Variants in MAST2 observed in about 807,000 individuals in gnomAD.
MAST2 encodes microtubule associated serine/threonine kinase 2, also known as microtubule-associated serine/threonine-protein kinase 2.
A neutral mutation model predicts 147.4 loss-of-function variants in MAST2; 70 were observed. The ratio of observed to expected loss-of-function variants is 0.47; its 90% CI spans 0.39 to 0.58. The LOEUF is 0.58. Among genes scored for constraint, MAST2 ranks in the 20% least tolerant of loss-of-function variants. The pLI, the probability that MAST2 is intolerant of heterozygous loss-of-function variation, is 0.00. For missense variants in MAST2, 2,080 were observed against 2,302.3 expected (o/e 0.90, Z 1.98); for synonymous variants, 869 against 896.8 (o/e 0.97, Z 0.55).
At chr1:45,932,301 T>C (rs1655442895) in intron 4 of MAST2, among the ~76,000 whole-genome samples, 1 of 152,238 alleles carries the variant, frequency 6.6e-6, no homozygotes, top group Non-Finnish European at 1.5e-5. Context: ...TAATTCTTTC[T>C]ATACCCATCA....
chr1:46,008,504 C>T (rs940147834), intron 9 of MAST2, 133 bp downstream of exon 9: 3 of 648,366 alleles, frequency 4.6e-6, no homozygotes, highest in Non-Finnish European at 8.3e-6. Context: ...AACAGAAAGT[C>T]AGCCAGGAGG....
At chr1:45,989,720 G>T (rs116793827) in intron 5 of MAST2, among the ~76,000 whole-genome samples, 79 of 145,506 alleles carry the variant, frequency 5.4e-4, no homozygotes, top group African/African-American at 2.0e-3. Flanking sequence ...CTAAAATAGT[G>T]CACAGTACTT....
At chr1:45,933,554 AC>A (rs1306289177) in intron 4 of MAST2, among the ~76,000 whole-genome samples, 4 of 150,938 alleles carry the variant, frequency 2.7e-5, no homozygotes, top group Non-Finnish European at 4.4e-5. Flanking sequence ...AGCCTGGCTG[AC>A]ATGGTGAAAA....
chr1:45,917,369 A>G, intron 4 of MAST2: 1 of 1,366,516 alleles, frequency 7.3e-7, no homozygotes, highest in Non-Finnish European at 9.8e-7. Flanking sequence ...GAGCTGAAGT[A>G]AACCAGCACA....
At chr1:45,998,334 T>A (rs1645138983) in intron 6 of MAST2, among the ~76,000 whole-genome samples, 1 of 152,224 alleles carries the variant, frequency 6.6e-6, no homozygotes, top group African/African-American at 2.4e-5. Context: ...TTAGAAAGAT[T>A]TGGTGCATAC....
chr1:45,860,343 C>T (rs1645937079), intron 3 of MAST2, among the ~76,000 whole-genome samples: 1 of 147,500 alleles, frequency 6.8e-6, no homozygotes, highest in African/African-American at 2.5e-5. Context: ...AAGATCATGC[C>T]ACTGCACTCC....
chr1:46,006,505 A>T, intron 8 of MAST2, 110 bp downstream of exon 8: 1 of 1,004,592 alleles, frequency 1.0e-6, no homozygotes, highest in South Asian at 2.4e-5. Flanking sequence ...AAATATTTTT[A>T]GGCTTTATAG....
chr1:46,002,944 T>G, intron 7 of MAST2, 61 bp downstream of exon 7: 3 of 1,488,340 alleles, frequency 2.0e-6, no homozygotes, highest in Non-Finnish European at 2.8e-6. Flanking sequence ...CCCTTTGGGT[T>G]ATCTAGTGTC....
At chr1:45,870,794 C>T (rs941609522) in intron 3 of MAST2, among the ~76,000 whole-genome samples, 3 of 151,178 alleles carry the variant, frequency 2.0e-5, no homozygotes, top group South Asian at 2.1e-4. Context: ...CCAGGCGTGG[C>T]GGTGCACACC....
At chr1:45,817,058 A>T (rs1644477820) in intron 1 of MAST2, among the ~76,000 whole-genome samples, 1 of 152,180 alleles carries the variant, frequency 6.6e-6, no homozygotes, top group South Asian at 2.1e-4. Context: ...AAAAGATAAA[A>T]AGGAATAAAA....
intron 2 of MAST2, 34 bp downstream of exon 2, chr1:45,824,614 G>T: frequency 2.6e-6 from 4 of 1,544,138 alleles, no homozygotes; most frequent in Non-Finnish European, 3.5e-6. Context: ...TAAGAAATGT[G>T]GGACCATGTG....
At chr1:45,982,379 G>T (rs375713213) in intron 5 of MAST2, among the ~76,000 whole-genome samples, 1 of 152,142 alleles carries the variant, frequency 6.6e-6, no homozygotes, top group South Asian at 2.1e-4. Flanking sequence ...TTTCAGGTTG[G>T]GGACTGATCA....
At chr1:46,025,381 T>C (rs1167811985) in intron 15 of MAST2, among the ~76,000 whole-genome samples, 1 of 152,120 alleles carries the variant, frequency 6.6e-6, no homozygotes, top group Admixed American at 6.5e-5. Context: ...ATCACGAGAA[T>C]AGCATGGGAA....
chr1:45,823,594 A>G (rs1644702822), intron 1 of MAST2, among the ~76,000 whole-genome samples: 2 of 152,108 alleles, frequency 1.3e-5, no homozygotes, highest in South Asian at 4.2e-4. Flanking sequence ...TCAGACTCCT[A>G]AAGTGCTGGG....
intron 4 of MAST2, among the ~76,000 whole-genome samples, chr1:45,894,874 AGT>A (rs759558337): frequency 6.6e-6 from 1 of 152,238 alleles, no homozygotes; most frequent in Non-Finnish European, 1.5e-5. Context: ...TGAATCAGTA[AGT>A]GTTTTTTAAT....
At chr1:45,819,437 A>T (rs887365035) in intron 1 of MAST2, among the ~76,000 whole-genome samples, 4 of 152,186 alleles carry the variant, frequency 2.6e-5, no homozygotes, top group African/African-American at 9.7e-5. Flanking sequence ...TTTGCAGATG[A>T]TTTGATCTTA....
intron 3 of MAST2, among the ~76,000 whole-genome samples, chr1:45,843,082 A>G (rs530399299): frequency 3.6e-4 from 55 of 152,056 alleles, no homozygotes; most frequent in Non-Finnish European, 3.7e-4. Context: ...GACCATTTAT[A>G]TATCTTCTTT....
At chr1:45,936,004 T>A (rs1258640617) in intron 4 of MAST2, among the ~76,000 whole-genome samples, 1 of 152,260 alleles carries the variant, frequency 6.6e-6, no homozygotes, top group Non-Finnish European at 1.5e-5. Flanking sequence ...ATTTTAACAA[T>A]ATTAATTCTT....
intron 4 of MAST2, among the ~76,000 whole-genome samples, chr1:45,884,561 A>C (rs1646998284): frequency 6.6e-6 from 1 of 152,104 alleles, no homozygotes; most frequent in South Asian, 2.1e-4. Flanking sequence ...AAAAATAAAT[A>C]AATAAATAAA....
Sources: gnomAD v4.1 joint callset for allele counts (sites outside exome capture counted in the v4.1 genomes callset) on GRCh38, gnomAD v4.1.1 for gene constraint, MANE v1.5 for transcripts, NCBI Gene and HGNC (gene_info 2026-07-23, HGNC 2026-07-21) for gene names.